The following MEGF9 variants were observed in gnomAD, a reference collection of about 807,000 sequenced individuals.
MEGF9 encodes multiple EGF like domains 9, also known as multiple epidermal growth factor-like domains protein 9.
Under a neutral mutation model 46.8 loss-of-function variants are expected in MEGF9, and 6 were observed. The ratio of observed to expected loss-of-function variants is 0.13; its 90% CI spans 0.07 to 0.25. MEGF9 has a LOEUF of 0.25. MEGF9 is among the 10% of genes least tolerant of loss of function. The pLI, the probability that MEGF9 is intolerant of heterozygous loss-of-function variation, is 1.00. For missense variants in MEGF9, 683 were observed against 792.4 expected, an observed-to-expected ratio of 0.86 and a Z score of 1.66; for synonymous variants, 302 against 330.7, an observed-to-expected ratio of 0.91 and a Z score of 0.94.
At chr9:120,684,626 G>T (rs981700110) in intron 1 of MEGF9, among the ~76,000 whole-genome samples, 2 of 152,094 alleles carry the variant, frequency 1.3e-5, no homozygotes, top group African/African-American at 4.8e-5. Context: ...CTAAGCATTT[G>T]AGTAACATTT....
At chr9:120,708,200 T>C (rs2043937236) in intron 1 of MEGF9, among the ~76,000 whole-genome samples, 2 of 151,870 alleles carry the variant, frequency 1.3e-5, no homozygotes, top group African/African-American at 2.4e-5. Context: ...TCTTCTAAAA[T>C]ACAAAGAAAA....
At position 120,675,837 on chromosome 9, in the gene MEGF9, G is replaced by A. The variant is rs540092748; in HGVS notation, c.602-16262C>T. Among the ~76,000 whole-genome samples the A allele has an allele frequency of 1.4e-4, 18 of 125,430 alleles. 1 individual carries two copies. In the East Asian group the frequency reaches 4.0e-3, roughly 28 times the overall value. 82.3% of individuals were successfully genotyped at this position (125,430 alleles called of 152,430 possible). A position where few individuals can be genotyped will look rare whatever the true frequency, so the allele number is the denominator to read the frequency against. On this transcript the variant is annotated intron_variant, in intron 1 of 5. Coordinates refer to ENST00000373930, the MANE Select transcript of MEGF9 (RefSeq NM_001080497.3). ...TGGGAGGCGGAAGCTGCAGTGAGCC[G>A]AGATCACGCCATTGCACTCCAGCCT...
intron 1 of MEGF9, among the ~76,000 whole-genome samples, chr9:120,688,169 ACGCACG>A (rs2043832405): frequency 7.2e-6 from 1 of 138,010 alleles, no homozygotes; most frequent in African/African-American, 2.9e-5. Flanking sequence ...ACACACACAC[ACGCACG>A]CACACACAAC....
At chr9:120,611,464 C>T (rs1159645763) in intron 4 of MEGF9, among the ~76,000 whole-genome samples, 1 of 151,966 alleles carries the variant, frequency 6.6e-6, no homozygotes, top group East Asian at 1.9e-4. Context: ...ACTGAAAATA[C>T]TATGCTAAGT....
intron 1 of MEGF9, among the ~76,000 whole-genome samples, chr9:120,711,552 T>A (rs1354745256): frequency 6.6e-6 from 1 of 152,186 alleles, no homozygotes; most frequent in Non-Finnish European, 1.5e-5. Flanking sequence ...AGGAGTGACT[T>A]TCCCTTTTTC....
chr9:120,701,991 C>T (rs559355126), intron 1 of MEGF9, among the ~76,000 whole-genome samples: 7 of 151,414 alleles, frequency 4.6e-5, no homozygotes, highest in Admixed American at 1.3e-4. Flanking sequence ...TGCAGTGAGC[C>T]GAGATCACGC....
At chr9:120,680,612 T>C (rs2043794460) in intron 1 of MEGF9, among the ~76,000 whole-genome samples, 1 of 151,940 alleles carries the variant, frequency 6.6e-6, no homozygotes, top group Non-Finnish European at 1.5e-5. Flanking sequence ...CCCAAGGCCC[T>C]TCCCTTCAGG....
chr9:120,704,035 C>G (rs528549582), intron 1 of MEGF9, among the ~76,000 whole-genome samples: 1 of 150,300 alleles, frequency 6.7e-6, no homozygotes, highest in Non-Finnish European at 1.5e-5. Context: ...TATTTCAATA[C>G]GAAGAAATGA....
intron 2 of MEGF9, among the ~76,000 whole-genome samples, chr9:120,658,492 C>G (rs576293964): frequency 1.3e-3 from 199 of 152,282 alleles, no homozygotes; most frequent in African/African-American, 4.7e-3. Context: ...GTGACATGTG[C>G]TAGGCATTTT....
At chr9:120,669,372 A>G (rs1352061297) in intron 1 of MEGF9, among the ~76,000 whole-genome samples, 2 of 152,206 alleles carry the variant, frequency 1.3e-5, no homozygotes, top group Non-Finnish European at 2.9e-5. Flanking sequence ...AGAGCTGGTC[A>G]ATTTAAAAGA....
chr9:120,617,374 A>G (rs1332837978), intron 3 of MEGF9, among the ~76,000 whole-genome samples: 1 of 152,200 alleles, frequency 6.6e-6, no homozygotes, highest in Non-Finnish European at 1.5e-5. Context: ...CCTATCTGAA[A>G]TACAGTAATG....
At chr9:120,608,456 T>C (rs1403735721) in intron 4 of MEGF9, among the ~76,000 whole-genome samples, 2 of 152,298 alleles carry the variant, frequency 1.3e-5, no homozygotes, top group African/African-American at 4.8e-5. Context: ...AAATATTGTT[T>C]TAACAAAAAC....
intron 1 of MEGF9, among the ~76,000 whole-genome samples, chr9:120,710,152 G>A (rs2043946756): frequency 6.6e-6 from 1 of 151,886 alleles, no homozygotes. Context: ...CCCAGGGCCA[G>A]GCACGGTGGC....
intron 1 of MEGF9, among the ~76,000 whole-genome samples, chr9:120,691,098 C>T (rs2043846025): frequency 6.6e-6 from 1 of 151,916 alleles, no homozygotes; most frequent in Admixed American, 6.6e-5. Flanking sequence ...CAAACAATTC[C>T]AGGAGTATTT....
At chr9:120,678,491 G>A (rs374019189) in intron 1 of MEGF9, among the ~76,000 whole-genome samples, 5 of 152,076 alleles carry the variant, frequency 3.3e-5, no homozygotes, top group African/African-American at 1.2e-4. Flanking sequence ...TTGTTTTTCT[G>A]AGACAGAGTC....
chr9:120,658,754 A>T (rs2043688746), intron 2 of MEGF9, among the ~76,000 whole-genome samples: 1 of 152,238 alleles, frequency 6.6e-6, no homozygotes, highest in Non-Finnish European at 1.5e-5. Context: ...AGTGCAGTAC[A>T]AGGCAAATGC....
intron 2 of MEGF9, among the ~76,000 whole-genome samples, chr9:120,640,515 A>C (rs1188250042): frequency 6.6e-6 from 1 of 151,804 alleles, no homozygotes; most frequent in Admixed American, 6.6e-5. Context: ...TTCCTCTGCT[A>C]TATTCCCAGT....
intron 2 of MEGF9, among the ~76,000 whole-genome samples, chr9:120,636,857 G>GC (rs571797464): frequency 0.016 from 2,472 of 151,566 alleles, 40 homozygotes; most frequent in Middle Eastern, 0.027. Flanking sequence ...CTGGGGGGTG[G>GC]GGGGGCCCCT....
intron 1 of MEGF9, among the ~76,000 whole-genome samples, chr9:120,689,204 T>C (rs1413224723): frequency 6.6e-6 from 1 of 152,172 alleles, no homozygotes; most frequent in African/African-American, 2.4e-5. Flanking sequence ...GGAAGAAATA[T>C]CTAAGCATGG....
Sources: allele counts gnomAD v4.1 joint callset (sites outside exome capture counted in the v4.1 genomes callset), GRCh38; gene constraint gnomAD v4.1.1; transcripts MANE v1.5; gene names NCBI Gene and HGNC (gene_info 2026-07-23, HGNC 2026-07-21).